DMD: variants seen among roughly 807,000 people sequenced by gnomAD.
DMD encodes the protein mutant dystrophin.
DMD carries 63 observed loss-of-function variants against 330.1 expected under a neutral mutation model. The observed-to-expected ratio is 0.19, with a 90% CI of 0.16 to 0.24. The LOEUF is 0.24. Among genes scored for constraint, DMD ranks in the 10% least tolerant of loss-of-function variants. DMD has a pLI of 1.00. For missense variants in DMD, 3,344 were observed against 2,684.1 expected, an observed-to-expected ratio of 1.25 and a Z score of -5.43; for synonymous variants, 1,223 against 959.8, an observed-to-expected ratio of 1.27 and a Z score of -5.07.
intron 1 of DMD, among the ~76,000 whole-genome samples, chrX:33,320,510 C>T (rs149087916): frequency 8.9e-6 from 1 of 112,113 alleles, no homozygotes; most frequent in African/African-American, 3.2e-5. Context: ...TTAACAAAAA[C>T]ATAATTTATT....
chrX:32,088,363 G>T (rs1387021023), intron 44 of DMD, among the ~76,000 whole-genome samples: 2 of 110,292 alleles, frequency 1.8e-5, no homozygotes, highest in Non-Finnish European at 3.8e-5. Context: ...GGTCAGACAG[G>T]TTCCACGGTG....
chrX:33,057,598 A>T lies in DMD; in HGVS notation c.32-37398T>A, dbSNP rs1050754900. Among the ~76,000 whole-genome samples the T allele has an allele frequency of 2.7e-5, 3 of 111,933 alleles. No individual in the cohort carries two copies. In the Admixed American group the frequency reaches 2.9e-4, roughly 11 times the overall value. On this transcript the variant is annotated intron_variant, in intron 1 of 78. Transcript: ENST00000357033. ...TTCTGTAAGCAAGTATCAAGGAAAA[A>T]GAGTTCTGAACAATTGCAGCACCCT...
chrX:31,226,031 C>A (rs2141759), intron 63 of DMD, among the ~76,000 whole-genome samples: 11,372 of 111,596 alleles, frequency 0.1, 518 homozygotes, highest in African/African-American at 0.17. Context: ...TGAATGACTA[C>A]CAACACCAAT....
intron 2 of DMD, among the ~76,000 whole-genome samples, chrX:32,953,862 A>G (rs2091410141): frequency 8.9e-6 from 1 of 112,019 alleles, no homozygotes; most frequent in Non-Finnish European, 1.9e-5. Flanking sequence ...GGTAAGAAAT[A>G]TGGAAAGACA....
intron 55 of DMD, among the ~76,000 whole-genome samples, chrX:31,514,097 C>T (rs2071938090): frequency 8.9e-6 from 1 of 111,779 alleles, no homozygotes; most frequent in Non-Finnish European, 1.9e-5. Flanking sequence ...ATAACTATGT[C>T]AGCACACAAA....
intron 4 of DMD, among the ~76,000 whole-genome samples, chrX:32,839,399 C>T (rs1949000895): frequency 8.9e-6 from 1 of 111,946 alleles, no homozygotes; most frequent in African/African-American, 3.3e-5. Context: ...TTTTTATTCA[C>T]TTAACTGTTC....
At chrX:31,513,834 G>T (rs2071911013) in intron 55 of DMD, among the ~76,000 whole-genome samples, 1 of 111,371 alleles carries the variant, frequency 9.0e-6, no homozygotes, top group Non-Finnish European at 1.9e-5. Flanking sequence ...ACCCTCTAGG[G>T]TAGGGGCTAC....
intron 55 of DMD, among the ~76,000 whole-genome samples, chrX:31,559,597 C>T (rs1346156499): frequency 2.5e-5 from 2 of 81,253 alleles, no homozygotes; most frequent in Non-Finnish European, 4.6e-5. Context: ...GTCGAGATCG[C>T]GCCACTGCAC....
intron 1 of DMD, among the ~76,000 whole-genome samples, chrX:33,281,243 C>G (rs1167967556): frequency 2.2e-4 from 22 of 100,375 alleles, no homozygotes; most frequent in Non-Finnish European, 5.9e-5. Flanking sequence ...GAGTCTCACT[C>G]TGTGGTCCAG....
At chrX:31,688,930 T>A (rs2082901143) in intron 52 of DMD, among the ~76,000 whole-genome samples, 1 of 111,849 alleles carries the variant, frequency 8.9e-6, no homozygotes, top group Non-Finnish European at 1.9e-5. Context: ...CCCTTCATGC[T>A]AAAAACTCTC....
chrX:31,820,153 C>G, intron 49 of DMD, 70 bp from the exon 50 acceptor site: 1 of 875,412 alleles, frequency 1.1e-6, no homozygotes, highest in East Asian at 3.1e-5. Flanking sequence ...ACATCTTAAT[C>G]CATTTGGTGA....
intron 44 of DMD, among the ~76,000 whole-genome samples, chrX:32,156,054 A>AGTT (rs2096828983): frequency 9.0e-6 from 1 of 110,602 alleles, no homozygotes. Flanking sequence ...TATATCAATG[A>AGTT]GTTAAAATAA....
chrX:32,721,704 A>G (rs2147910520), intron 7 of DMD, among the ~76,000 whole-genome samples: 1 of 110,891 alleles, frequency 9.0e-6, no homozygotes, highest in African/African-American at 3.3e-5. Flanking sequence ...TAGTTCCACT[A>G]GTTTATTTTT....
At chrX:31,294,706 C>T (rs1259570295) in intron 62 of DMD, among the ~76,000 whole-genome samples, 5 of 112,121 alleles carry the variant, frequency 4.5e-5, no homozygotes, top group Non-Finnish European at 9.4e-5. Flanking sequence ...AAAGGACAAG[C>T]TTGTAATCTT....
At chrX:33,332,674 G>A (rs1410404812) in intron 1 of DMD, among the ~76,000 whole-genome samples, 1 of 111,528 alleles carries the variant, frequency 9.0e-6, no homozygotes, top group Non-Finnish European at 1.9e-5. Flanking sequence ...ATTCAAATGT[G>A]ATGTGTCCCT....
intron 55 of DMD, among the ~76,000 whole-genome samples, chrX:31,576,866 C>T (rs2076127201): frequency 9.1e-6 from 1 of 109,318 alleles, no homozygotes; most frequent in Non-Finnish European, 1.9e-5. Flanking sequence ...CAGGCGCCCA[C>T]CACCACGCCC....
chrX:32,360,800 A>C (rs200214169), intron 37 of DMD, among the ~76,000 whole-genome samples: 1 of 95,937 alleles, frequency 1.0e-5, no homozygotes, highest in South Asian at 5.3e-4. Context: ...CACACACACA[A>C]AATAATAATA....
intron 2 of DMD, among the ~76,000 whole-genome samples, chrX:33,003,126 T>A (rs1341546918): frequency 9.1e-6 from 1 of 110,221 alleles, no homozygotes; most frequent in Non-Finnish European, 1.9e-5. Flanking sequence ...TATGTAGGCT[T>A]TTATCTCTCA....
In DMD at chrX:31,351,157, T is replaced by TACAC. The variant is rs776501693; in HGVS notation, c.9085-2524_9085-2523insGTGT. Among the ~76,000 whole-genome samples, 412 of 79,898 alleles carry TACAC rather than the reference T, an allele frequency of 5.2e-3. 3 individuals are homozygous for TACAC. Among genetic ancestry groups the TACAC allele is most frequent in the African/African-American group, 0.021 (397 of 19,363 alleles). The allele number at this position is 79,898 out of a possible 115,157, so 69.4% of individuals were successfully genotyped here. A position where few individuals can be genotyped will look rare whatever the true frequency, so the allele number is the denominator to read the frequency against. On this transcript the variant is annotated intron_variant, in intron 60 of 78. Coordinates refer to ENST00000357033, the MANE Select transcript of DMD (RefSeq NM_004006.3). ...ATTCACACACACATAGACATACATATATACACACACACACACACACACATA... is the reference window on the plus strand; with the variant it reads ...ATTCACACACACATAGACATACATATACACATACACACACACACACACACACATA...
Sources: gnomAD v4.1 joint callset for allele counts (sites outside exome capture counted in the v4.1 genomes callset) on GRCh38, gnomAD v4.1.1 for gene constraint, MANE v1.5 for transcripts, NCBI Gene and HGNC (gene_info 2026-07-23, HGNC 2026-07-21) for gene names.